Variants in TG observed in about 807,000 individuals in gnomAD.
The protein encoded by TG is thyroid hormones.
A neutral mutation model predicts 324.7 loss-of-function variants in TG; 270 were observed. That is an observed-to-expected ratio of 0.83 (90% CI 0.75 to 0.92). The LOEUF (loss-of-function observed/expected upper bound fraction) is 0.92, where lower values mean the gene tolerates loss of function less well. TG is among the 40% of genes least tolerant of loss of function. TG has a pLI of 0.00. For missense variants in TG, 3,591 were observed against 3,456.4 expected, an observed-to-expected ratio of 1.04 and a Z score of -0.98; for synonymous variants, 1,401 against 1,327.0, an observed-to-expected ratio of 1.06 and a Z score of -1.21.
At chr8:132,959,019 A>G (rs1037161951) in intron 27 of TG, among the ~76,000 whole-genome samples, 1 of 152,234 alleles carries the variant, frequency 6.6e-6, no homozygotes, top group Non-Finnish European at 1.5e-5. Context: ...CTTCTAAAGA[A>G]GGCTATGACA....
intron 41 of TG, chr8:133,040,170 A>T (rs1837948900): frequency 6.4e-7 from 1 of 1,561,720 alleles, no homozygotes; most frequent in East Asian, 2.4e-5. Flanking sequence ...GACCCTGGGG[A>T]CGCCTCAGCC....
intron 18 of TG, 93 bp downstream of exon 18, chr8:132,908,433 G>A: frequency 3.3e-6 from 1 of 304,620 alleles, no homozygotes; most frequent in Non-Finnish European, 5.7e-6. Flanking sequence ...CACAGAGGCT[G>A]GAGACAGGGG....
Position 133,055,356 on chromosome 8 carries a change from C to T in TG, c.7239+25333C>T, listed in dbSNP as rs563865855. Among the ~76,000 whole-genome samples, 6 of 66,900 alleles carry T rather than the reference C, an allele frequency of 9.0e-5. No homozygotes were observed. The South Asian group carries it at 1.4e-3, about 16-fold the overall frequency. 43.9% of individuals were successfully genotyped at this position (66,900 alleles called of 152,430 possible). ...CAGTGTCATCTTCAGGACACACACA[C>T]GCACGCGCGCACACACACACACACA... is the stretch of plus-strand genomic sequence containing the variant. On this transcript the variant is annotated intron_variant, in intron 41 of 47. Coordinates refer to ENST00000220616, the MANE Select transcript of TG (RefSeq NM_003235.5).
chr8:133,024,270 C>T (rs916448985), intron 40 of TG, among the ~76,000 whole-genome samples: 42 of 152,258 alleles, frequency 2.8e-4, no homozygotes, highest in African/African-American at 9.9e-4. Context: ...CTGTGCTGAA[C>T]AGTGTCTGTC....
At chr8:133,013,562 T>A (rs369475583) in intron 36 of TG, 38 bp from the exon 37 acceptor site, 26 of 1,613,112 alleles carry the variant, frequency 1.6e-5, no homozygotes, top group Non-Finnish European at 2.0e-5. Context: ...GTAACATCTC[T>A]GAGGCCCAAG....
At chr8:133,101,848 G>A (rs2979023) in intron 43 of TG, among the ~76,000 whole-genome samples, 1 of 147,086 alleles carries the variant, frequency 6.8e-6, no homozygotes, top group Non-Finnish European at 1.5e-5. Flanking sequence ...CTGTCAGCTG[G>A]AGTGACACAA....
intron 10 of TG, among the ~76,000 whole-genome samples, chr8:132,890,929 G>A (rs1356034809): frequency 6.6e-6 from 1 of 152,176 alleles, no homozygotes; most frequent in Non-Finnish European, 1.5e-5. Flanking sequence ...TTTATGAACT[G>A]CCTACTGTGT....
intron 41 of TG, among the ~76,000 whole-genome samples, chr8:133,035,159 T>C (rs1373609748): frequency 2.0e-5 from 3 of 152,230 alleles, no homozygotes; most frequent in Non-Finnish European, 4.4e-5. Context: ...TGTTTCCTGA[T>C]CAATTTATTT....
chr8:132,946,649 A>G (rs1563988772), intron 26 of TG, among the ~76,000 whole-genome samples: 1 of 150,684 alleles, frequency 6.6e-6, no homozygotes, highest in African/African-American at 2.4e-5. Flanking sequence ...TCCAATCTCC[A>G]CCCCTCTAAG....
intron 33 of TG, chr8:132,972,212 C>T (rs1042605886): frequency 2.2e-5 from 10 of 450,496 alleles, no homozygotes; most frequent in African/African-American, 2.0e-4. Context: ...TTGGTTGATT[C>T]CCTTACTAGT....
At chr8:132,966,720 C>A in intron 30 of TG, 23 bp downstream of exon 30, 5 of 1,613,484 alleles carry the variant, frequency 3.1e-6, no homozygotes, top group South Asian at 1.1e-5. Context: ...AGAACTCATT[C>A]TTCTTCTTCC....
At chr8:133,044,276 C>T (rs1304047078) in intron 41 of TG, among the ~76,000 whole-genome samples, 3 of 152,128 alleles carry the variant, frequency 2.0e-5, no homozygotes, top group Non-Finnish European at 2.9e-5. Context: ...ACTCAACTTT[C>T]TCTCTCTGGC....
At chr8:132,900,503 G>A (rs1817764079) in intron 15 of TG, among the ~76,000 whole-genome samples, 164 bp downstream of exon 15, 1 of 152,224 alleles carries the variant, frequency 6.6e-6, no homozygotes. Context: ...TGAAATCGGG[G>A]CAATATTCCC....
chr8:132,874,200 A>G (rs1278328752), intron 5 of TG, among the ~76,000 whole-genome samples: 1 of 152,074 alleles, frequency 6.6e-6, no homozygotes, highest in Non-Finnish European at 1.5e-5. Context: ...AAAATAAATC[A>G]AGAGGAGGCA....
At chr8:132,884,630 C>T (rs913163621) in intron 8 of TG, among the ~76,000 whole-genome samples, 1 of 152,192 alleles carries the variant, frequency 6.6e-6, no homozygotes, top group Non-Finnish European at 1.5e-5. Flanking sequence ...AAGGTATTTA[C>T]AATCACATTT....
At chr8:133,083,765 T>G (rs1846086388) in intron 41 of TG, among the ~76,000 whole-genome samples, 1 of 152,210 alleles carries the variant, frequency 6.6e-6, no homozygotes, top group Non-Finnish European at 1.5e-5. Context: ...TTGTGTGATG[T>G]GGGTTCCAGA....
chr8:132,897,153 A>C (rs990954913), intron 11 of TG, among the ~76,000 whole-genome samples: 3 of 152,216 alleles, frequency 2.0e-5, no homozygotes, highest in African/African-American at 7.2e-5. Context: ...CTGTGTTCCA[A>C]GGCCAACCTC....
intron 41 of TG, among the ~76,000 whole-genome samples, chr8:133,075,312 T>G (rs184545733): frequency 6.6e-5 from 10 of 152,320 alleles, no homozygotes; most frequent in Non-Finnish European, 1.3e-4. Context: ...AGGCTGTGGC[T>G]AAGAGCTGCA....
intron 41 of TG, among the ~76,000 whole-genome samples, chr8:133,076,465 G>A (rs957944983): frequency 1.3e-5 from 2 of 152,214 alleles, no homozygotes; most frequent in South Asian, 2.1e-4. Flanking sequence ...CGCTCAAGAA[G>A]AGCATGCTGG....
Sources: allele counts gnomAD v4.1 joint callset (sites outside exome capture counted in the v4.1 genomes callset), GRCh38; gene constraint gnomAD v4.1.1; transcripts MANE v1.5; gene names NCBI Gene and HGNC (gene_info 2026-07-23, HGNC 2026-07-21).